The following SEC24A variants were observed in gnomAD, a reference collection of about 807,000 sequenced individuals.
SEC24A encodes the protein protein transport protein Sec24A.
SEC24A carries 93 observed loss-of-function variants against 129.4 expected under a neutral mutation model. The observed-to-expected ratio is 0.72, with a 90% CI of 0.61 to 0.85. The LOEUF (loss-of-function observed/expected upper bound fraction) is 0.85. SEC24A is among the 40% of genes least tolerant of loss of function. The probability of loss-of-function intolerance (pLI) is 0.00; values close to 1 mark genes in which losing one functional copy is unlikely to be tolerated. For missense variants in SEC24A, 1,264 were observed against 1,307.4 expected (o/e 0.97, Z 0.51); for synonymous variants, 460 against 467.3 (o/e 0.98, Z 0.20).
intron 17 of SEC24A, among the ~76,000 whole-genome samples, chr5:134,707,385 A>T (rs1401806101): frequency 6.6e-6 from 1 of 151,076 alleles, no homozygotes; most frequent in Non-Finnish European, 1.5e-5. Flanking sequence ...GGTGGAGTGC[A>T]GTGGCGTGAT....
chr5:134,709,451 T>TA (rs1752257651), intron 18 of SEC24A, among the ~76,000 whole-genome samples: 1 of 152,198 alleles, frequency 6.6e-6, no homozygotes, highest in Non-Finnish European at 1.5e-5. Flanking sequence ...AGTGACATTA[T>TA]AAAAAATTCA....
intron 2 of SEC24A, among the ~76,000 whole-genome samples, chr5:134,663,201 C>A (rs1750534808): frequency 6.6e-6 from 1 of 152,110 alleles, no homozygotes; most frequent in Non-Finnish European, 1.5e-5. Context: ...CCTCACCTCC[C>A]TGAGTAGGCG....
chr5:134,677,539 TAAA>T (rs549447862), intron 7 of SEC24A, among the ~76,000 whole-genome samples: 1 of 141,322 alleles, frequency 7.1e-6, no homozygotes, highest in Non-Finnish European at 1.5e-5. Flanking sequence ...ATCCTTATCT[TAAA>T]AAAAAAAAAT....
chr5:134,695,025 T>A (rs541159574), intron 13 of SEC24A, among the ~76,000 whole-genome samples: 5 of 152,166 alleles, frequency 3.3e-5, no homozygotes, highest in African/African-American at 1.2e-4. Context: ...TTATTACACT[T>A]GGGAACTTGA....
At chr5:134,693,670 T>C in intron 12 of SEC24A, 57 bp from the exon 13 acceptor site, 1 of 1,590,600 alleles carries the variant, frequency 6.3e-7, no homozygotes, top group Non-Finnish European at 8.6e-7. Flanking sequence ...GATACTGACT[T>C]AATGTGAAAT....
intron 18 of SEC24A, among the ~76,000 whole-genome samples, chr5:134,711,236 A>G (rs1448136214): frequency 2.0e-5 from 3 of 152,074 alleles, no homozygotes; most frequent in East Asian, 3.9e-4. Flanking sequence ...GCCAAGGTAG[A>G]AGGATTGCTT....
chr5:134,652,106 G>T lies in SEC24A; in HGVS notation c.97+2933G>T, dbSNP rs1164291055. On this transcript the variant is annotated intron_variant, in intron 1 of 22. Transcript: ENST00000398844. Reference sequence around the variant, plus strand: ...CCGGCTAATTTTTGTATTTTTAGTAGAGACAGGGTTTCATCACATTGGTCA... The same window carrying T: ...CCGGCTAATTTTTGTATTTTTAGTATAGACAGGGTTTCATCACATTGGTCA... Among the ~76,000 whole-genome samples, 40 of 151,454 alleles carry T rather than the reference G, an allele frequency of 2.6e-4. 1 individual carries two copies. The highest frequency in any genetic ancestry group is 7.4e-5 in the Non-Finnish European group (5 of 67,892).
At position 134,674,553 on chromosome 5, in the gene SEC24A, A is replaced by T. The variant is rs543876634; in HGVS notation, c.818-62A>T. 82 of 1,481,324 alleles carry T rather than the reference A, an allele frequency of 5.5e-5. No individual in the cohort carries two copies. In the Admixed American group the frequency reaches 6.8e-4, roughly 12 times the overall value. The allele number at this position is 1,481,324 out of a possible 1,614,324, so 91.8% of individuals were successfully genotyped here. A position where few individuals can be genotyped will look rare whatever the true frequency, so the allele number is the denominator to read the frequency against. On this transcript the variant is annotated intron_variant, in intron 4 of 22. Coordinates refer to ENST00000398844, the MANE Select transcript of SEC24A (RefSeq NM_021982.3). Reference sequence around the variant, plus strand: ...CTTTCTCCAAAAAAAATGTTTTTTTAAAATAAATAAATCAAGTATTCTGGA... The same window carrying T: ...CTTTCTCCAAAAAAAATGTTTTTTTTAAATAAATAAATCAAGTATTCTGGA...
Position 134,725,016 on chromosome 5 carries a change from C to T in SEC24A, c.3204C>T (p.Asn1068=), listed in dbSNP as rs1197701134. The T allele has an allele frequency of 1.9e-6, 3 of 1,609,636 alleles. No homozygotes were observed. The highest frequency in any genetic ancestry group is 2.2e-5 in the South Asian group (2 of 90,772). ...ESPMKANFLQ[N]MIEDRTESAL... is the part of the protein sequence containing the mutation. ...CAATGAAAGCAAACTTCCTTCAAAA[C>T]ATGATAGAAGACAGAACAGAATCTG... is the stretch of plus-strand genomic sequence containing the variant. Residue 1068 remains asparagine (N), a synonymous_variant, in exon 23 of 23, where the codon AAC becomes AAT. Coordinates refer to ENST00000398844, the MANE Select transcript of SEC24A (RefSeq NM_021982.3).
intron 20 of SEC24A, among the ~76,000 whole-genome samples, chr5:134,720,037 T>C (rs1016806923): frequency 2.6e-5 from 4 of 152,204 alleles, no homozygotes; most frequent in African/African-American, 9.6e-5. Context: ...TACGATTAAT[T>C]ATTGAAGAAA....
chr5:134,678,127 T>C (rs1237461679), intron 7 of SEC24A, among the ~76,000 whole-genome samples: 1 of 152,156 alleles, frequency 6.6e-6, no homozygotes, highest in African/African-American at 2.4e-5. Context: ...GCTCAAGCAG[T>C]CCTCCTGCCT....
At chr5:134,714,606 C>T (rs1200484594) in intron 18 of SEC24A, among the ~76,000 whole-genome samples, 2 of 152,238 alleles carry the variant, frequency 1.3e-5, no homozygotes, top group Non-Finnish European at 2.9e-5. Context: ...GTCCCTGGTA[C>T]GAAGAAGGAC....
At position 134,648,990 on chromosome 5, in the gene SEC24A, T is replaced by C; in HGVS notation, c.-87T>C. ...AGTCTTCAGTCTTAAGTCGTTAGCCTCCTCCCTCCGCTTTCAGCAGTGGTC... is the reference window on the plus strand; with the variant it reads ...AGTCTTCAGTCTTAAGTCGTTAGCCCCCTCCCTCCGCTTTCAGCAGTGGTC... On this transcript the variant is annotated 5_prime_UTR_variant, in exon 1 of 23. Transcript: ENST00000398844. The C allele has an allele frequency of 3.1e-6, 3 of 958,444 alleles. No homozygotes were observed. Among genetic ancestry groups the C allele is most frequent in the Non-Finnish European group, 4.8e-6 (3 of 623,266 alleles). The allele number at this position is 958,444 out of a possible 1,614,324, so 59.4% of individuals were successfully genotyped here.
Position 134,671,804 on chromosome 5 carries a change from C to T in SEC24A, c.740-5C>T, listed in dbSNP as rs1401972760. The T allele has an allele frequency of 4.5e-6, 7 of 1,550,760 alleles. No individual in the cohort carries two copies. Among genetic ancestry groups the T allele is most frequent in the Non-Finnish European group, 6.1e-6 (7 of 1,140,564 alleles). On this transcript the variant is annotated splice_region_variant and splice_polypyrimidine_tract_variant and intron_variant, in intron 3 of 22. Coordinates refer to ENST00000398844, the MANE Select transcript of SEC24A (RefSeq NM_021982.3). ...TAAAATCTTGTTGATGAACTTCCTTCTTAGGTATTACATCAAATACCAATA... is the reference window on the plus strand; with the variant it reads ...TAAAATCTTGTTGATGAACTTCCTTTTTAGGTATTACATCAAATACCAATA...
At position 134,725,840 on chromosome 5, in the gene SEC24A, A is replaced by C. The variant is rs1484197098; in HGVS notation, c.*746A>C. 2 of 152,538 alleles carry C rather than the reference A, an allele frequency of 1.3e-5. No individual in the cohort carries two copies. Among genetic ancestry groups the C allele is most frequent in the South Asian group, 4.1e-4 (2 of 4,838 alleles). 9.4% of individuals were successfully genotyped at this position (152,538 alleles called of 1,614,324 possible). A position where few individuals can be genotyped will look rare whatever the true frequency, so the allele number is the denominator to read the frequency against. On this transcript the variant is annotated 3_prime_UTR_variant, in exon 23 of 23. Coordinates refer to ENST00000398844, the MANE Select transcript of SEC24A (RefSeq NM_021982.3). ...AGTGAAAAGAATTTGAGCTGTCTTC[A>C]TAAACACTGGGACTAGCAATGATAA...
At chr5:134,694,227 T>G (rs909864069) in intron 13 of SEC24A, among the ~76,000 whole-genome samples, 1 of 152,124 alleles carries the variant, frequency 6.6e-6, no homozygotes, top group African/African-American at 2.4e-5. Context: ...ATTGACCAGT[T>G]AAGAATAGTC....
In SEC24A at chr5:134,692,614, C is replaced by T; in HGVS notation, c.1736C>T (p.Pro579Leu). The T allele has an allele frequency of 7.2e-7, 1 of 1,382,700 alleles. No homozygotes were observed. Among genetic ancestry groups the T allele is most frequent in the Admixed American group, 1.8e-5 (1 of 55,406 alleles). 85.7% of individuals were successfully genotyped at this position (1,382,700 alleles called of 1,614,324 possible). A position where few individuals can be genotyped will look rare whatever the true frequency, so the allele number is the denominator to read the frequency against. The change falls in exon 12 of 23, where the codon CCT becomes CTT. Residue 579 changes from proline (P) to leucine (L), a missense_variant. Pro to Leu is a moderately conservative substitution (Grantham distance 98). Coordinates refer to ENST00000398844, the MANE Select transcript of SEC24A (RefSeq NM_021982.3). ...IVSDIEDVFI[P>L]MPENLLVNLN... ...TTTCTTCTTTCAGATGTTTTTATAC[C>T]TATGCCAGAGAACTTATTAGTAAAC...
In SEC24A at chr5:134,663,437, G is replaced by A. The variant is rs3924084; in HGVS notation, c.565+1851G>A. Among the ~76,000 whole-genome samples the A allele has an allele frequency of 1.7e-3, 258 of 152,244 alleles. 6 individuals are homozygous for A. The East Asian group carries it at 0.034, about 20-fold the overall frequency. On this transcript the variant is annotated intron_variant, in intron 2 of 22. Coordinates refer to ENST00000398844, the MANE Select transcript of SEC24A (RefSeq NM_021982.3). ...GCCTGCATTATCTTGTTTAATCTTCGTAACAGTCTCTTACAGATCTAAAGT... is the reference window on the plus strand; with the variant it reads ...GCCTGCATTATCTTGTTTAATCTTCATAACAGTCTCTTACAGATCTAAAGT...
intron 18 of SEC24A, 67 bp downstream of exon 18, chr5:134,708,955 C>T (rs1752244277): frequency 6.7e-7 from 1 of 1,487,552 alleles, no homozygotes; most frequent in Middle Eastern, 1.8e-4. Context: ...CCTGCAATCC[C>T]AGCACTTTGG....
Sources: allele counts gnomAD v4.1 joint callset (sites outside exome capture counted in the v4.1 genomes callset), GRCh38; gene constraint gnomAD v4.1.1; transcripts MANE v1.5; gene names NCBI Gene and HGNC (gene_info 2026-07-23, HGNC 2026-07-21).